FCHO2: variants seen among roughly 807,000 people sequenced by gnomAD.
The protein encoded by FCHO2 is F-BAR domain only protein 2.
Under a neutral mutation model 114.1 loss-of-function variants are expected in FCHO2, and 43 were observed. The ratio of observed to expected loss-of-function variants is 0.38; its 90% CI spans 0.30 to 0.49. The LOEUF (loss-of-function observed/expected upper bound fraction) is 0.49. Ranked by LOEUF, FCHO2 falls within the 20% of genes least tolerant of loss-of-function variation. The pLI is 0.97. For missense variants in FCHO2, 807 were observed against 950.4 expected (o/e 0.85, Z 1.98); for synonymous variants, 293 against 315.2 (o/e 0.93, Z 0.75).
At chr5:72,970,391 A>G (rs1026641547) in intron 2 of FCHO2, among the ~76,000 whole-genome samples, 9 of 152,202 alleles carry the variant, frequency 5.9e-5, no homozygotes, top group Non-Finnish European at 1.2e-4. Flanking sequence ...GATACTGGGT[A>G]TCTTATAGAC....
At chr5:72,968,372 TG>T in intron 1 of FCHO2, 125 bp from the exon 2 acceptor site, 1 of 597,212 alleles carries the variant, frequency 1.7e-6, no homozygotes, top group Non-Finnish European at 2.8e-6. Flanking sequence ...ATACAATAAA[TG>T]AGAAAAATTT....
At chr5:72,959,085 A>G (rs749550477) in intron 1 of FCHO2, among the ~76,000 whole-genome samples, 1 of 152,232 alleles carries the variant, frequency 6.6e-6, no homozygotes, top group Non-Finnish European at 1.5e-5. Flanking sequence ...CACTTTCACT[A>G]TTGAAAACAA....
intron 19 of FCHO2, among the ~76,000 whole-genome samples, chr5:73,069,138 TTGAA>T (rs962855191): frequency 2.6e-5 from 4 of 152,238 alleles, no homozygotes; most frequent in African/African-American, 9.6e-5. Flanking sequence ...TTGAAAATGA[TTGAA>T]TGAAAGAAAA....
chr5:72,962,373 A>G (rs949132379), intron 1 of FCHO2, among the ~76,000 whole-genome samples: 6 of 152,224 alleles, frequency 3.9e-5, no homozygotes, highest in African/African-American at 1.4e-4. Flanking sequence ...ATGAGGGAAC[A>G]GTTATGCTTT....
chr5:72,984,577 A>T (rs11744822), intron 2 of FCHO2, among the ~76,000 whole-genome samples: 1 of 152,114 alleles, frequency 6.6e-6, no homozygotes, highest in Non-Finnish European at 1.5e-5. Context: ...GACCATTCAC[A>T]TTTTTTAGTT....
chr5:73,030,039 C>CTT (rs1247598046), intron 8 of FCHO2, among the ~76,000 whole-genome samples: 11 of 140,208 alleles, frequency 7.8e-5, no homozygotes, highest in East Asian at 2.3e-4. Flanking sequence ...TTCTTTCTTT[C>CTT]TTTTTGTTTT....
At chr5:73,051,501 TATTA>T (rs1338830712) in intron 12 of FCHO2, 95 bp downstream of exon 12, 10 of 703,620 alleles carry the variant, frequency 1.4e-5, no homozygotes, top group African/African-American at 1.1e-4. Flanking sequence ...TCCAATTTTT[TATTA>T]ATTATAAAAT....
intron 24 of FCHO2, among the ~76,000 whole-genome samples, chr5:73,083,478 C>G (rs60714547): frequency 1.3e-5 from 2 of 152,146 alleles, no homozygotes; most frequent in East Asian, 3.9e-4. Flanking sequence ...AAATAGAACT[C>G]TATGTTCCAT....
chr5:73,034,785 T>C (rs953782011), intron 9 of FCHO2, 84 bp downstream of exon 9: 24 of 1,116,730 alleles, frequency 2.1e-5, no homozygotes, highest in African/African-American at 4.8e-5. Context: ...GAGGGACTGC[T>C]ATCCCTAGGT....
chr5:73,005,112 G>A (rs183573914), intron 5 of FCHO2, among the ~76,000 whole-genome samples: 6 of 152,126 alleles, frequency 3.9e-5, no homozygotes, highest in Non-Finnish European at 8.8e-5. Context: ...AAGAAGGCAG[G>A]AAAGTACATA....
chr5:73,068,434 C>T (rs914143705), intron 18 of FCHO2, among the ~76,000 whole-genome samples: 37 of 151,950 alleles, frequency 2.4e-4, no homozygotes, highest in African/African-American at 8.9e-4. Context: ...TTTTTATGCA[C>T]AAAGACCTTT....
At chr5:72,976,604 T>G (rs1752897715) in intron 2 of FCHO2, among the ~76,000 whole-genome samples, 1 of 152,128 alleles carries the variant, frequency 6.6e-6, no homozygotes, top group Non-Finnish European at 1.5e-5. Flanking sequence ...ATATGGTTGT[T>G]TGTGTTCTTA....
At chr5:72,982,880 A>G (rs539904365) in intron 2 of FCHO2, among the ~76,000 whole-genome samples, 13 of 93,070 alleles carry the variant, frequency 1.4e-4, no homozygotes, top group Non-Finnish European at 2.8e-4. Flanking sequence ...AGTACCATTT[A>G]TTGAAAATAC....
rs1378398580 is a variant in FCHO2 at position 73,054,294 on chromosome 5, A to T, written c.1185+123A>T. On this transcript the variant is annotated intron_variant, in intron 14 of 25. Transcript: ENST00000430046. Reference sequence around the variant, plus strand: ...AGCAAGTTTTAGTGTTTTGTTGTAGATGTTGCTTTAATATTTTAAAAACAT... The same window carrying T: ...AGCAAGTTTTAGTGTTTTGTTGTAGTTGTTGCTTTAATATTTTAAAAACAT... 5.2e-6 allele frequency: 5 copies of T among 956,898 alleles called. No homozygotes were observed. In the Admixed American group the frequency reaches 1.5e-4, roughly 29 times the overall value. The allele number at this position is 956,898 out of a possible 1,614,324, so 59.3% of individuals were successfully genotyped here. A position where few individuals can be genotyped will look rare whatever the true frequency, so the allele number is the denominator to read the frequency against.
At position 73,089,147 on chromosome 5, in the gene FCHO2, C is replaced by T. The variant is rs2112902278; in HGVS notation, c.*1057C>T. 6.6e-6 allele frequency: 1 copy of T among 152,640 alleles called. No individual in the cohort carries two copies. The highest frequency in any genetic ancestry group is 1.9e-4 in the East Asian group (1 of 5,186). 9.5% of individuals were successfully genotyped at this position (152,640 alleles called of 1,614,324 possible). Reference sequence around the variant, plus strand: ...CAGGAAGAAAGATTACCTTCAGATACTTGACATTAACCTCATCAAAAGTGT... The same window carrying T: ...CAGGAAGAAAGATTACCTTCAGATATTTGACATTAACCTCATCAAAAGTGT... On this transcript the variant is annotated 3_prime_UTR_variant, in exon 26 of 26. Coordinates refer to ENST00000430046, the MANE Select transcript of FCHO2 (RefSeq NM_138782.3).
chr5:72,976,305 C>T (rs1018298583), intron 2 of FCHO2, among the ~76,000 whole-genome samples: 6 of 152,216 alleles, frequency 3.9e-5, no homozygotes, highest in South Asian at 2.1e-4. Flanking sequence ...TCTCGAACTC[C>T]TGGCCTCAAG....
intron 1 of FCHO2, among the ~76,000 whole-genome samples, chr5:72,958,155 T>G (rs982111908): frequency 6.6e-6 from 1 of 152,160 alleles, no homozygotes; most frequent in African/African-American, 2.4e-5. Flanking sequence ...CTCTTTGAAG[T>G]AACTCATAAG....
chr5:73,040,657 A>C (rs1756759653), intron 10 of FCHO2, among the ~76,000 whole-genome samples: 4 of 152,322 alleles, frequency 2.6e-5, no homozygotes, highest in Non-Finnish European at 4.4e-5. Flanking sequence ...TAAATGATAG[A>C]ATTTCAGTTC....
chr5:73,019,454 A>G (rs1414507456), intron 8 of FCHO2, among the ~76,000 whole-genome samples: 1 of 152,168 alleles, frequency 6.6e-6, no homozygotes, highest in Non-Finnish European at 1.5e-5. Flanking sequence ...AGGCGGGAGA[A>G]TTGCTTGAAC....
Sources: gnomAD v4.1 joint callset for allele counts (sites outside exome capture counted in the v4.1 genomes callset) on GRCh38, gnomAD v4.1.1 for gene constraint, MANE v1.5 for transcripts, NCBI Gene and HGNC (gene_info 2026-07-23, HGNC 2026-07-21) for gene names.